The following TSPAN9 variants were observed in gnomAD, a reference collection of about 807,000 sequenced individuals.
The protein encoded by TSPAN9 is tetraspanin 9.
TSPAN9 carries 16 observed loss-of-function variants against 31.0 expected under a neutral mutation model. The ratio of observed to expected loss-of-function variants is 0.52; its 90% CI spans 0.35 to 0.78. The LOEUF is 0.78. Among genes scored for constraint, TSPAN9 ranks in the 30% least tolerant of loss-of-function variants. The pLI, the probability that TSPAN9 is intolerant of heterozygous loss-of-function variation, is 0.01. For synonymous variants in TSPAN9, 145 were observed against 121.6 expected, an observed-to-expected ratio of 1.19 and a Z score of -1.27; for missense variants, 272 against 312.5, an observed-to-expected ratio of 0.87 and a Z score of 0.98.
chr12:3,129,602 G>A (rs923553933), intron 2 of TSPAN9, among the ~76,000 whole-genome samples: 1 of 152,184 alleles, frequency 6.6e-6, no homozygotes, highest in Non-Finnish European at 1.5e-5. Flanking sequence ...GTCCACTTAT[G>A]AAATGGTGAT....
At chr12:3,217,751 C>T (rs2098382106) in intron 3 of TSPAN9, among the ~76,000 whole-genome samples, 1 of 152,078 alleles carries the variant, frequency 6.6e-6, no homozygotes, top group African/African-American at 2.4e-5. Context: ...TCTGTCCCTT[C>T]CCTGCTTCCA....
chr12:3,264,284 G>A (rs1350626218), intron 3 of TSPAN9, among the ~76,000 whole-genome samples: 1 of 152,148 alleles, frequency 6.6e-6, no homozygotes, highest in Non-Finnish European at 1.5e-5. Flanking sequence ...TCTTGCTTTG[G>A]ATTTGCCTCG....
chr12:3,235,853 C>G (rs1293319251), intron 3 of TSPAN9, among the ~76,000 whole-genome samples: 1 of 152,222 alleles, frequency 6.6e-6, no homozygotes, highest in African/African-American at 2.4e-5. Context: ...ATGATTAGCT[C>G]TGGGGGCTTT....
In TSPAN9 at chr12:3,278,522, C is replaced by A; in HGVS notation, c.165C>A (p.Asn55Lys). ...SPSFPSLSAA[N>K]LVIAIGTIVM... is the part of the protein sequence containing the mutation. Reference sequence around the variant, plus strand: ...GCTTCCCTTCGTTGTCTGCAGCCAACCTGGTCATTGCCATAGGCACCATTG... The same window carrying A: ...GCTTCCCTTCGTTGTCTGCAGCCAAACTGGTCATTGCCATAGGCACCATTG... The change falls in exon 4 of 9, where the codon AAC becomes AAA. Residue 55 changes from asparagine to lysine, a missense_variant. Physicochemically the swap from Asn to Lys is moderately conservative, Grantham distance 94. Transcript: ENST00000011898. The A allele has an allele frequency of 6.2e-7, 1 of 1,614,212 alleles. No homozygotes were observed. The highest frequency in any genetic ancestry group is 8.5e-7 in the Non-Finnish European group (1 of 1,180,036).
At chr12:3,230,097 G>A (rs1188034848) in intron 3 of TSPAN9, among the ~76,000 whole-genome samples, 1 of 152,100 alleles carries the variant, frequency 6.6e-6, no homozygotes, top group Non-Finnish European at 1.5e-5. Context: ...TTCTCTCCAC[G>A]AAGCAGAAAA....
intron 2 of TSPAN9, among the ~76,000 whole-genome samples, chr12:3,111,239 C>G (rs957155771): frequency 6.6e-6 from 1 of 152,214 alleles, no homozygotes; most frequent in African/African-American, 2.4e-5. Context: ...TAGTCCAGAT[C>G]CTACCTCCTC....
chr12:3,110,106 C>T (rs376928132), intron 2 of TSPAN9, among the ~76,000 whole-genome samples: 30 of 133,150 alleles, frequency 2.3e-4, no homozygotes, highest in African/African-American at 9.9e-4. Context: ...CCCTCCTCCA[C>T]CTCAGCACAA....
intron 2 of TSPAN9, among the ~76,000 whole-genome samples, chr12:3,084,894 G>A (rs2098299649): frequency 2.0e-5 from 3 of 152,216 alleles, no homozygotes; most frequent in Admixed American, 2.0e-4. Context: ...ATCCGCTCCA[G>A]GTCCCTCCCT....
rs1318696898 is a variant in TSPAN9, at chr12:3,168,752, G to A, written c.-17-32425G>A. Among the ~76,000 whole-genome samples, 1 of 152,196 alleles carries A rather than the reference G, an allele frequency of 6.6e-6. No homozygotes were observed. Among genetic ancestry groups the A allele is most frequent in the Non-Finnish European group, 1.5e-5 (1 of 68,032 alleles). On this transcript the variant is annotated intron_variant, in intron 2 of 8. Transcript: ENST00000011898. The surrounding 1 kb of genome is among the most constrained non-coding windows in gnomAD (Gnocchi z 4.0). Reference sequence around the variant, plus strand: ...AGACCAGGTCCTGTCTCTCTGGGAAGCTGAGGCCACTCTCCGCCCCCTCTC... The same window carrying A: ...AGACCAGGTCCTGTCTCTCTGGGAAACTGAGGCCACTCTCCGCCCCCTCTC...
At chr12:3,222,819 C>T (rs1287652296) in intron 3 of TSPAN9, among the ~76,000 whole-genome samples, 1 of 152,216 alleles carries the variant, frequency 6.6e-6, no homozygotes, top group Non-Finnish European at 1.5e-5. Context: ...TAAACCACCC[C>T]CCAGGTCCCA....
intron 3 of TSPAN9, among the ~76,000 whole-genome samples, chr12:3,265,459 TGTGGAGATACAG>T: frequency 6.6e-6 from 1 of 152,354 alleles, no homozygotes; most frequent in Non-Finnish European, 1.5e-5. Context: ...GCTCCTGTTT[TGTGGAGATACAG>T]GTGCAAAAAG....
chr12:3,240,565 G>C (rs1477832242), intron 3 of TSPAN9, among the ~76,000 whole-genome samples: 1 of 152,180 alleles, frequency 6.6e-6, no homozygotes, highest in Non-Finnish European at 1.5e-5. Flanking sequence ...CTGAATCCGG[G>C]TCTCAGGACT....
chr12:3,240,309 G>A (rs1241127896), intron 3 of TSPAN9, among the ~76,000 whole-genome samples: 1 of 134,216 alleles, frequency 7.5e-6, no homozygotes, highest in Non-Finnish European at 1.7e-5. Context: ...GTGTGGACGA[G>A]GTGGGAGAGT....
chr12:3,167,369 CAGAG>C (rs750786952), intron 2 of TSPAN9, among the ~76,000 whole-genome samples: 75 of 152,276 alleles, frequency 4.9e-4, no homozygotes, highest in Middle Eastern at 3.4e-3. Flanking sequence ...AATGAGGACA[CAGAG>C]AGACTACGAC....
At chr12:3,270,447 C>A (rs1862653268) in intron 3 of TSPAN9, among the ~76,000 whole-genome samples, 1 of 152,242 alleles carries the variant, frequency 6.6e-6, no homozygotes, top group Non-Finnish European at 1.5e-5. Flanking sequence ...CCCATGCCTT[C>A]ATCTTTGAAG....
At chr12:3,185,037 AAC>A (rs2153971565) in intron 2 of TSPAN9, among the ~76,000 whole-genome samples, 1 of 152,314 alleles carries the variant, frequency 6.6e-6, no homozygotes, top group Non-Finnish European at 1.5e-5. Context: ...GGTCAGCAGA[AAC>A]ACAGATAATA....
chr12:3,182,863 G>A (rs946246427), intron 2 of TSPAN9, among the ~76,000 whole-genome samples: 1 of 152,206 alleles, frequency 6.6e-6, no homozygotes, highest in East Asian at 1.9e-4. Context: ...AGGCCACGCA[G>A]CCCTCCCTGA....
At chr12:3,211,771 A>G (rs1218164294) in intron 3 of TSPAN9, 2 of 1,597,568 alleles carry the variant, frequency 1.3e-6, no homozygotes, top group Non-Finnish European at 1.7e-6. Flanking sequence ...CTGTTTGTGC[A>G]TGGCTAAAGA....
intron 2 of TSPAN9, among the ~76,000 whole-genome samples, chr12:3,090,733 C>T (rs1476635207): frequency 6.6e-6 from 1 of 152,092 alleles, no homozygotes; most frequent in Non-Finnish European, 1.5e-5. Context: ...GCGATCCCTC[C>T]CTGTGCCCAG....
Sources: gnomAD v4.1 joint callset for allele counts (sites outside exome capture counted in the v4.1 genomes callset) on GRCh38, gnomAD v4.1.1 for gene constraint, Gnocchi (gnomAD v3.1) non-coding constraint, MANE v1.5 for transcripts, NCBI Gene and HGNC (gene_info 2026-07-23, HGNC 2026-07-21) for gene names.